The following KCNIP4 variants were observed in gnomAD, a reference collection of about 807,000 sequenced individuals.
KCNIP4 encodes Kv channel-interacting protein 4.
In KCNIP4, 12 loss-of-function variants were observed where a neutral mutation model predicts 34.0. The observed-to-expected ratio is 0.35, with a 90% CI of 0.23 to 0.57. The LOEUF (loss-of-function observed/expected upper bound fraction) is 0.57. Ranked by LOEUF, KCNIP4 falls within the 20% of genes least tolerant of loss-of-function variation. The probability of loss-of-function intolerance (pLI) is 0.83; values close to 1 mark genes in which losing one functional copy is unlikely to be tolerated. For missense variants in KCNIP4, 238 were observed against 311.7 expected, an observed-to-expected ratio of 0.76 and a Z score of 1.78; for synonymous variants, 124 against 102.2, an observed-to-expected ratio of 1.21 and a Z score of -1.29.
rs1244456222 is a variant in KCNIP4 at position 21,190,080 on chromosome 4, T to C, written c.62-307371A>G. ...AGATTTCAAAATTTCTGTGGGAGTG[T>C]TGATGGCCGTGGCCATTTCCCACTC... is the stretch of plus-strand genomic sequence containing the variant. On this transcript the variant is annotated intron_variant, in intron 1 of 8. Transcript: ENST00000382152. 3.3e-5 allele frequency among the ~76,000 whole-genome samples: 5 copies of C among 152,226 alleles called. No homozygotes were observed. The East Asian group carries it at 5.8e-4, about 18-fold the overall frequency.
At chr4:21,911,477 T>G (rs965664845) in intron 1 of KCNIP4, among the ~76,000 whole-genome samples, 1 of 151,116 alleles carries the variant, frequency 6.6e-6, no homozygotes, top group Non-Finnish European at 1.5e-5. Flanking sequence ...AGTGAGAATT[T>G]TTTACAACTC....
intron 1 of KCNIP4, among the ~76,000 whole-genome samples, chr4:21,124,923 G>A (rs1257421795): frequency 6.6e-6 from 1 of 151,920 alleles, no homozygotes; most frequent in Admixed American, 6.6e-5. Flanking sequence ...ACCGAAGTGG[G>A]ACTTTGATAT....
intron 1 of KCNIP4, chr4:21,697,286 A>T (rs1361812527): frequency 1.4e-6 from 2 of 1,390,928 alleles, no homozygotes; most frequent in Non-Finnish European, 1.9e-6. Context: ...TTCCATTTCA[A>T]CTTCATTACC....
chr4:20,845,235 A>G (rs1720220881), intron 3 of KCNIP4, among the ~76,000 whole-genome samples: 1 of 152,172 alleles, frequency 6.6e-6, no homozygotes, highest in Non-Finnish European at 1.5e-5. Context: ...TGGGAGCCAG[A>G]AAGTCTGGGA....
chr4:20,971,464 A>G (rs1023698055), intron 1 of KCNIP4, among the ~76,000 whole-genome samples: 1 of 150,592 alleles, frequency 6.6e-6, no homozygotes, highest in Non-Finnish European at 1.5e-5. Flanking sequence ...AAATATCACA[A>G]TCAAGCAAAC....
At chr4:21,781,647 C>T (rs1043852369) in intron 1 of KCNIP4, among the ~76,000 whole-genome samples, 3 of 151,902 alleles carry the variant, frequency 2.0e-5, no homozygotes, top group Non-Finnish European at 4.4e-5. Flanking sequence ...TTGGACATCA[C>T]GAAGAATAAA....
intron 4 of KCNIP4, among the ~76,000 whole-genome samples, chr4:20,754,362 T>G (rs180794142): frequency 6.6e-6 from 1 of 152,266 alleles, no homozygotes; most frequent in East Asian, 1.9e-4. Context: ...ATGTTGTGAT[T>G]TATGGACCCA....
chr4:20,958,035 G>A (rs1408449243), intron 1 of KCNIP4, among the ~76,000 whole-genome samples: 2 of 152,156 alleles, frequency 1.3e-5, no homozygotes, highest in Non-Finnish European at 2.9e-5. Context: ...TCAAATCATC[G>A]AGCCAGGCAA....
At position 21,172,459 on chromosome 4, in the gene KCNIP4, TG is replaced by T. The variant is rs1182342700; in HGVS notation, c.62-289751del. Among the ~76,000 whole-genome samples the T allele has an allele frequency of 3.3e-5, 5 of 152,154 alleles. No homozygotes were observed. In the South Asian group the frequency reaches 1.0e-3, roughly 32 times the overall value. ...GGATTGCCTTGTATTGAAAAACTAG[TG>T]GGGGGAAGAGATGGGATTGAAATGA... On this transcript the variant is annotated intron_variant, in intron 1 of 8. Transcript: ENST00000382152.
chr4:21,432,799 G>A (rs903773558), intron 1 of KCNIP4, among the ~76,000 whole-genome samples: 1 of 152,072 alleles, frequency 6.6e-6, no homozygotes, highest in Non-Finnish European at 1.5e-5. Flanking sequence ...AAGAATTTAA[G>A]AGTAGCAGGC....
At chr4:20,741,976 G>A (rs1324712239) in intron 5 of KCNIP4, among the ~76,000 whole-genome samples, 2 of 152,146 alleles carry the variant, frequency 1.3e-5, no homozygotes, top group East Asian at 3.9e-4. Flanking sequence ...CTAGAAGAAT[G>A]GATAAATTCC....
chr4:21,871,904 C>A (rs1354184877), intron 1 of KCNIP4, among the ~76,000 whole-genome samples: 1 of 151,674 alleles, frequency 6.6e-6, no homozygotes, highest in African/African-American at 2.4e-5. Flanking sequence ...GGGTTGAGCC[C>A]AGTCTTTCTC....
intron 1 of KCNIP4, among the ~76,000 whole-genome samples, chr4:21,940,549 T>G (rs1218473163): frequency 6.6e-6 from 1 of 152,198 alleles, no homozygotes; most frequent in Non-Finnish European, 1.5e-5. Context: ...TCTTTAGAAG[T>G]AGACTCTATG....
chr4:21,680,117 A>G (rs1316145175), intron 1 of KCNIP4, among the ~76,000 whole-genome samples: 1 of 152,220 alleles, frequency 6.6e-6, no homozygotes, highest in Admixed American at 6.5e-5. Flanking sequence ...TTTTTTCAAA[A>G]TTAAAGTCAA....
intron 3 of KCNIP4, among the ~76,000 whole-genome samples, chr4:20,830,227 T>C (rs1302240724): frequency 1.3e-5 from 2 of 152,226 alleles, no homozygotes; most frequent in Non-Finnish European, 2.9e-5. Context: ...CTTTGTTCTT[T>C]ACCCCTATGT....
intron 1 of KCNIP4, among the ~76,000 whole-genome samples, chr4:21,424,670 T>G (rs1284759728): frequency 1.3e-5 from 2 of 152,044 alleles, no homozygotes; most frequent in Admixed American, 6.6e-5. Flanking sequence ...CACAATATTC[T>G]TACAAAATAT....
At chr4:21,201,204 G>C (rs1235634657) in intron 1 of KCNIP4, among the ~76,000 whole-genome samples, 1 of 152,196 alleles carries the variant, frequency 6.6e-6, no homozygotes, top group Non-Finnish European at 1.5e-5. Flanking sequence ...TGTTTTAGCA[G>C]TATCTGTTAT....
Position 20,732,761 on chromosome 4 carries a change from T to C in KCNIP4, c.562A>G (p.Ile188Val), listed in dbSNP as rs764519418. 1 of 1,609,216 alleles carries C rather than the reference T, an allele frequency of 6.2e-7. No homozygotes were observed. Among genetic ancestry groups the C allele is most frequent in the South Asian group, 1.1e-5 (1 of 90,968 alleles). The stretch of plus-strand genomic sequence containing the variant: ...GTACATTTACCCATCATATCGTATA[T>C]TGCTTTCATTATATCAAGCATTTCC... ...KEEMLDIMKAIYDMMGKCTYP... is the reference protein window; with the variant it reads ...KEEMLDIMKAVYDMMGKCTYP... The change falls in exon 7 of 9, where the codon ATA becomes GTA. Residue 188 changes from isoleucine to valine, a missense_variant. Coordinates refer to ENST00000382152, the MANE Select transcript of KCNIP4 (RefSeq NM_025221.6).
intron 1 of KCNIP4, among the ~76,000 whole-genome samples, chr4:21,306,663 AC>A (rs2109259842): frequency 6.6e-6 from 1 of 152,336 alleles, no homozygotes; most frequent in Non-Finnish European, 1.5e-5. Context: ...TTACTTAAAC[AC>A]ACACCACCTC....
Sources: gnomAD v4.1 joint callset for allele counts (sites outside exome capture counted in the v4.1 genomes callset) on GRCh38, gnomAD v4.1.1 for gene constraint, MANE v1.5 for transcripts, NCBI Gene and HGNC (gene_info 2026-07-23, HGNC 2026-07-21) for gene names.